Variants in CEP63 observed in about 807,000 individuals in gnomAD.
CEP63 encodes centrosomal protein of 63 kDa.
CEP63 carries 84 observed loss-of-function variants against 89.1 expected under a neutral mutation model. The ratio of observed to expected loss-of-function variants is 0.94; its 90% CI spans 0.79 to 1.13. The LOEUF is 1.13. CEP63 is among the 50% of genes most tolerant of loss of function. CEP63 has a pLI of 0.00. For missense variants in CEP63, 838 were observed against 813.3 expected, an observed-to-expected ratio of 1.03 and a Z score of -0.37; for synonymous variants, 267 against 272.5, an observed-to-expected ratio of 0.98 and a Z score of 0.20.
At chr3:134,514,175 G>T (rs1945677490) in intron 3 of CEP63, among the ~76,000 whole-genome samples, 1 of 152,148 alleles carries the variant, frequency 6.6e-6, no homozygotes, top group African/African-American at 2.4e-5. Context: ...TAAAAAAAAT[G>T]AGTGGAAATT....
chr3:134,764,984 C>T, the CEP63 span, among the ~76,000 whole-genome samples: 1 of 152,164 alleles, frequency 6.6e-6, no homozygotes, highest in Non-Finnish European at 1.5e-5. Context: ...CATTATATGA[C>T]AGTACAGTGG....
At chr3:134,663,370 G>A in the CEP63 span, among the ~76,000 whole-genome samples, 11 of 152,220 alleles carry the variant, frequency 7.2e-5, no homozygotes, top group Admixed American at 7.2e-4. Context: ...CCAGGGTGAA[G>A]GGCTTGGTTG....
chr3:134,772,200 G>A, the CEP63 span, among the ~76,000 whole-genome samples: 1 of 152,156 alleles, frequency 6.6e-6, no homozygotes, highest in Admixed American at 6.5e-5. Context: ...GAGGCACCAT[G>A]GGCATTATCT....
At chr3:134,493,545 TCCTC>T (rs1480904430) in intron 1 of CEP63, among the ~76,000 whole-genome samples, 1 of 152,072 alleles carries the variant, frequency 6.6e-6, no homozygotes, top group African/African-American at 2.4e-5. Context: ...AGAAAAAAAA[TCCTC>T]CCTGTCACGT....
chr3:134,777,545 A>G, the CEP63 span, among the ~76,000 whole-genome samples: 1 of 151,938 alleles, frequency 6.6e-6, no homozygotes, highest in South Asian at 2.1e-4. Flanking sequence ...AATACATGGA[A>G]ATGGTGAGTA....
chr3:134,672,058 A>G, the CEP63 span, among the ~76,000 whole-genome samples: 54,445 of 151,804 alleles, frequency 0.36, 10,274 homozygotes, highest in African/African-American at 0.47. Context: ...GTTGAAACCA[A>G]TTTCAAAAAT....
the CEP63 span, among the ~76,000 whole-genome samples, chr3:134,684,670 C>T: frequency 1.3e-5 from 2 of 152,232 alleles, no homozygotes; most frequent in Admixed American, 1.3e-4. Context: ...CTGGTTTGTG[C>T]CCATCTGTTG....
the CEP63 span, among the ~76,000 whole-genome samples, chr3:134,704,792 G>A: frequency 6.6e-6 from 1 of 152,228 alleles, no homozygotes; most frequent in Admixed American, 6.5e-5. Context: ...CTTGGGCTGG[G>A]AACTTCTGCA....
At chr3:134,636,298 A>G in the CEP63 span, among the ~76,000 whole-genome samples, 1 of 152,346 alleles carries the variant, frequency 6.6e-6, no homozygotes, top group Middle Eastern at 3.4e-3. Flanking sequence ...GCTGTGCTTG[A>G]TTGCAAAACT....
chr3:134,518,547 C>T (rs1301798794), intron 3 of CEP63, among the ~76,000 whole-genome samples: 2 of 152,000 alleles, frequency 1.3e-5, no homozygotes, highest in Non-Finnish European at 2.9e-5. Context: ...ACCCATGAAT[C>T]AAAAGAAATC....
chr3:134,660,084 C>T, the CEP63 span, among the ~76,000 whole-genome samples: 43 of 152,362 alleles, frequency 2.8e-4, no homozygotes, highest in South Asian at 8.3e-4. Context: ...ACTTTTCACA[C>T]GTCTCATTTT....
At chr3:134,651,762 G>C in the CEP63 span, 1 of 310,500 alleles carries the variant, frequency 3.2e-6, no homozygotes, top group Non-Finnish European at 4.7e-6. Context: ...GGAGGGAGGG[G>C]GAGAGGAGGA....
At chr3:134,671,054 T>G in the CEP63 span, among the ~76,000 whole-genome samples, 1 of 152,166 alleles carries the variant, frequency 6.6e-6, no homozygotes, top group Non-Finnish European at 1.5e-5. Flanking sequence ...TAGTGTTTCC[T>G]CTGGGGCGGA....
the CEP63 span, among the ~76,000 whole-genome samples, chr3:134,636,643 G>C: frequency 1.3e-4 from 20 of 152,168 alleles, no homozygotes; most frequent in African/African-American, 4.6e-4. Flanking sequence ...AGATCAGCTG[G>C]GTGTGGCTCC....
the CEP63 span, chr3:134,620,853 G>T: frequency 6.2e-7 from 1 of 1,605,816 alleles, no homozygotes; most frequent in Non-Finnish European, 8.5e-7. Context: ...ACTCTTGGCT[G>T]TCACCTGGGG....
intron 10 of CEP63, among the ~76,000 whole-genome samples, chr3:134,586,159 G>A (rs1312081476): frequency 1.5e-5 from 1 of 68,116 alleles, no homozygotes; most frequent in Non-Finnish European, 3.2e-5. Flanking sequence ...TTTCCAGTCT[G>A]TGACTTTTAA....
In CEP63 at chr3:134,497,459, AC is replaced by A. The variant is rs1285777680; in HGVS notation, c.44+2096del. Among the ~76,000 whole-genome samples, 12 of 151,974 alleles carry A rather than the reference AC, an allele frequency of 7.9e-5. No individual in the cohort carries two copies. The East Asian group carries it at 2.3e-3, about 29-fold the overall frequency. On this transcript the variant is annotated intron_variant, in intron 2 of 14. Coordinates refer to ENST00000675561, the MANE Select transcript of CEP63 (RefSeq NM_001353108.3). ...CAGTCGTAGCTCACTGTAGCCTCAA[AC>A]TCCTGGGTTCAAGTGATCCGCCTGC...
At chr3:134,715,688 G>A in the CEP63 span, among the ~76,000 whole-genome samples, 1 of 152,056 alleles carries the variant, frequency 6.6e-6, no homozygotes. Flanking sequence ...CCCCAAAGGG[G>A]TCCTGGTACT....
chr3:134,564,504 G>T lies in CEP63; in HGVS notation c.*2969G>T, dbSNP rs895394754. 4 of 985,200 alleles carry T rather than the reference G, an allele frequency of 4.1e-6. No individual in the cohort carries two copies. Among genetic ancestry groups the T allele is most frequent in the Non-Finnish European group, 4.8e-6 (4 of 829,930 alleles). 61.0% of individuals were successfully genotyped at this position (985,200 alleles called of 1,614,324 possible). A position where few individuals can be genotyped will look rare whatever the true frequency, so the allele number is the denominator to read the frequency against. On this transcript the variant is annotated 3_prime_UTR_variant, in exon 15 of 15. Transcript: ENST00000675561. ...TCCGCTTTGATTTCTGTCTTTCAGGGGCTAAGTCCTGCCTACATCCTCAGT... is the reference window on the plus strand; with the variant it reads ...TCCGCTTTGATTTCTGTCTTTCAGGTGCTAAGTCCTGCCTACATCCTCAGT...
Sources: gnomAD v4.1 joint callset for allele counts (sites outside exome capture counted in the v4.1 genomes callset) on GRCh38, gnomAD v4.1.1 for gene constraint, MANE v1.5 for transcripts, NCBI Gene and HGNC (gene_info 2026-07-23, HGNC 2026-07-21) for gene names.